Variants in LHPP observed in about 807,000 individuals in gnomAD.
LHPP encodes the protein phospholysine phosphohistidine inorganic pyrophosphate phosphatase.
LHPP carries 24 observed loss-of-function variants against 30.3 expected under a neutral mutation model. That is an observed-to-expected ratio of 0.79 (90% CI 0.57 to 1.11). LHPP has a LOEUF of 1.11. Among genes scored for constraint, LHPP ranks in the 50% most tolerant of loss-of-function variants. The probability of loss-of-function intolerance (pLI) is 0.00; values close to 1 mark genes in which losing one functional copy is unlikely to be tolerated. For synonymous variants in LHPP, 150 were observed against 157.1 expected, an observed-to-expected ratio of 0.95 and a Z score of 0.34; for missense variants, 356 against 367.2, an observed-to-expected ratio of 0.97 and a Z score of 0.25.
At chr10:124,574,150 C>T (rs374489344) in intron 6 of LHPP, among the ~76,000 whole-genome samples, 2 of 152,256 alleles carry the variant, frequency 1.3e-5, no homozygotes, top group East Asian at 3.9e-4. Flanking sequence ...GTGTGAAACC[C>T]GAAAGACAAG....
rs116620146 is a variant in LHPP, at chr10:124,574,806, C to T, written c.717-38458C>T. 4.8e-3 allele frequency among the ~76,000 whole-genome samples: 733 copies of T among 152,240 alleles called. 8 individuals are homozygous for T. The highest frequency in any genetic ancestry group is 0.016 in the African/African-American group (679 of 41,544). ...CGCCATCCTGAAGCACACCCCTCCT[C>T]GTCTTCCTGAGGCCTCCATCCCTTC... is the stretch of plus-strand genomic sequence containing the variant. On this transcript the variant is annotated intron_variant, in intron 6 of 6. Transcript: ENST00000368842.
intron 5 of LHPP, among the ~76,000 whole-genome samples, chr10:124,511,895 C>T (rs1322032581): frequency 6.6e-6 from 1 of 152,044 alleles, no homozygotes; most frequent in Admixed American, 6.6e-5. Context: ...TGTGGTAGCC[C>T]CTGCTGGGCG....
chr10:124,581,684 T>C (rs184683562), intron 6 of LHPP, among the ~76,000 whole-genome samples: 101 of 152,346 alleles, frequency 6.6e-4, no homozygotes, highest in Non-Finnish European at 1.2e-3. Context: ...TCTTTTCTTG[T>C]ACTTATTGGC....
chr10:124,582,543 G>A (rs1948755929), intron 6 of LHPP, among the ~76,000 whole-genome samples: 1 of 150,350 alleles, frequency 6.7e-6, no homozygotes, highest in Non-Finnish European at 1.5e-5. Context: ...TGCCTATGCA[G>A]TAGAAAATCT....
At chr10:124,465,256 A>G (rs1952523746) in intron 1 of LHPP, among the ~76,000 whole-genome samples, 1 of 152,112 alleles carries the variant, frequency 6.6e-6, no homozygotes, top group Non-Finnish European at 1.5e-5. Context: ...GGAAGAGAGC[A>G]CTTGGCGAGT....
intron 3 of LHPP, among the ~76,000 whole-genome samples, chr10:124,492,785 AT>A (rs1371262596): frequency 6.6e-6 from 1 of 152,196 alleles, no homozygotes; most frequent in African/African-American, 2.4e-5. Flanking sequence ...CTCTTAACTC[AT>A]TTACCCGGGC....
intron 1 of LHPP, among the ~76,000 whole-genome samples, chr10:124,466,485 GT>G (rs1204864430): frequency 6.6e-6 from 1 of 152,110 alleles, no homozygotes; most frequent in Non-Finnish European, 1.5e-5. Flanking sequence ...GAAACAGAGT[GT>G]TGCTCTGTCA....
chr10:124,567,644 C>T (rs1485933193), intron 6 of LHPP, among the ~76,000 whole-genome samples: 1 of 152,240 alleles, frequency 6.6e-6, no homozygotes, highest in African/African-American at 2.4e-5. Context: ...CCCAGCCAGC[C>T]GCAGCGGCCA....
intron 5 of LHPP, among the ~76,000 whole-genome samples, chr10:124,506,562 C>T (rs1361980669): frequency 2.0e-5 from 3 of 151,126 alleles, no homozygotes; most frequent in Admixed American, 1.3e-4. Context: ...ACCAAACCAT[C>T]GTCTTCCAGC....
chr10:124,593,761 G>A lies in LHPP; in HGVS notation c.717-19503G>A, dbSNP rs962485356. On this transcript the variant is annotated intron_variant, in intron 6 of 6. Transcript: ENST00000368842. The surrounding 1 kb of genome is among the most constrained non-coding windows in gnomAD (Gnocchi z 4.9). ...AGTCTCCAGGTCATGCGCGTTTGAC[G>A]CAGGAGGTTTTGCCGGCGCCAGGGG... Among the ~76,000 whole-genome samples the A allele has an allele frequency of 7.2e-5, 11 of 152,242 alleles. 1 individual carries two copies. The South Asian group carries it at 1.2e-3, about 17-fold the overall frequency.
intron 6 of LHPP, among the ~76,000 whole-genome samples, chr10:124,609,913 T>C (rs1386155771): frequency 2.6e-5 from 4 of 152,220 alleles, no homozygotes; most frequent in African/African-American, 9.7e-5. Context: ...ATTTGTCCAG[T>C]GTTTGACTTT....
rs376007424 is a variant in LHPP at position 124,545,702 on chromosome 10, A to G, written c.716+28431A>G. On this transcript the variant is annotated intron_variant, in intron 6 of 6. Transcript: ENST00000368842. ...AATGTGAGTGTGTGTGCACGCTTGC[A>G]GGATAAAGATGAGTTTTTAAAATGT... 4.6e-5 allele frequency among the ~76,000 whole-genome samples: 7 copies of G among 152,308 alleles called. No homozygotes were observed. In the East Asian group the frequency reaches 1.2e-3, roughly 25 times the overall value.
intron 6 of LHPP, among the ~76,000 whole-genome samples, chr10:124,545,290 G>T (rs564195617): frequency 6.6e-6 from 1 of 152,290 alleles, no homozygotes; most frequent in South Asian, 2.1e-4. Context: ...AGTATTGTGC[G>T]AACCTCCCAG....
At chr10:124,544,226 C>G (rs895668275) in intron 6 of LHPP, among the ~76,000 whole-genome samples, 1 of 61,664 alleles carries the variant, frequency 1.6e-5, no homozygotes, top group Non-Finnish European at 4.4e-5. Context: ...CCTCCGTCCG[C>G]CCCCATGCAG....
At chr10:124,509,512 C>T (rs145325637) in intron 5 of LHPP, among the ~76,000 whole-genome samples, 175 of 151,976 alleles carry the variant, frequency 1.2e-3, no homozygotes, top group Middle Eastern at 3.4e-3. Flanking sequence ...TGACCTGCTG[C>T]GTATACAGAT....
intron 6 of LHPP, among the ~76,000 whole-genome samples, chr10:124,558,480 G>A (rs778120413): frequency 6.6e-6 from 1 of 152,228 alleles, no homozygotes; most frequent in Non-Finnish European, 1.5e-5. Flanking sequence ...CTCTGTCCCC[G>A]CTTGGCGTTG....
intron 6 of LHPP, among the ~76,000 whole-genome samples, chr10:124,598,054 G>A (rs1589706662): frequency 6.6e-6 from 1 of 152,138 alleles, no homozygotes; most frequent in African/African-American, 2.4e-5. Context: ...GCAGTGAGAC[G>A]TCCAGGCCTC....
At chr10:124,516,375 C>T (rs753119086) in intron 5 of LHPP, among the ~76,000 whole-genome samples, 2 of 152,196 alleles carry the variant, frequency 1.3e-5, no homozygotes, top group Non-Finnish European at 2.9e-5. Flanking sequence ...AGAATTACCT[C>T]CTTACAGGCC....
At chr10:124,527,869 C>T (rs2133925980) in intron 6 of LHPP, among the ~76,000 whole-genome samples, 1 of 152,162 alleles carries the variant, frequency 6.6e-6, no homozygotes, top group South Asian at 2.1e-4. Flanking sequence ...CAGCCTGGAA[C>T]TCCTGGGCAC....
Sources: gnomAD v4.1 joint callset for allele counts (sites outside exome capture counted in the v4.1 genomes callset) on GRCh38, gnomAD v4.1.1 for gene constraint, Gnocchi (gnomAD v3.1) non-coding constraint, MANE v1.5 for transcripts, NCBI Gene and HGNC (gene_info 2026-07-23, HGNC 2026-07-21) for gene names.